Variants in DAAM1 observed in about 807,000 individuals in gnomAD.
DAAM1 encodes dishevelled associated activator of morphogenesis 1.
A neutral mutation model predicts 130.0 loss-of-function variants in DAAM1; 52 were observed. That is an observed-to-expected ratio of 0.40 (90% CI 0.32 to 0.50). The LOEUF is 0.50. DAAM1 is among the 20% of genes least tolerant of loss of function. The probability of loss-of-function intolerance (pLI) is 0.61; values close to 1 mark genes in which losing one functional copy is unlikely to be tolerated. For synonymous variants in DAAM1, 452 were observed against 444.5 expected, an observed-to-expected ratio of 1.02 and a Z score of -0.21; for missense variants, 1,134 against 1,303.8, an observed-to-expected ratio of 0.87 and a Z score of 2.01.
At chr14:59,231,773 T>C (rs558181779) in intron 1 of DAAM1, among the ~76,000 whole-genome samples, 1 of 152,308 alleles carries the variant, frequency 6.6e-6, no homozygotes, top group African/African-American at 2.4e-5. Flanking sequence ...TAACAAACTT[T>C]AGCTACTATA....
chr14:59,354,365 A>G (rs970368437), intron 19 of DAAM1, among the ~76,000 whole-genome samples: 2 of 152,064 alleles, frequency 1.3e-5, no homozygotes, highest in African/African-American at 4.8e-5. Flanking sequence ...TGGCCTGGTG[A>G]TTTTTTATTT....
chr14:59,266,699 A>G (rs966485328), intron 2 of DAAM1, among the ~76,000 whole-genome samples: 1 of 152,208 alleles, frequency 6.6e-6, no homozygotes, highest in South Asian at 2.1e-4. Flanking sequence ...TGGCCTGGCC[A>G]AGAGAGGTAG....
intron 2 of DAAM1, among the ~76,000 whole-genome samples, chr14:59,266,372 T>G (rs927904393): frequency 2.0e-5 from 3 of 152,218 alleles, no homozygotes; most frequent in African/African-American, 7.2e-5. Context: ...TACAGTTATA[T>G]TCTGTCAGTC....
At chr14:59,330,438 TAGAG>T (rs1460317538) in intron 12 of DAAM1, 59 bp from the exon 13 acceptor site, 1 of 1,437,706 alleles carries the variant, frequency 7.0e-7, no homozygotes, top group Non-Finnish European at 9.3e-7. Context: ...AATTTTCTTT[TAGAG>T]AAAATGCTTC....
intron 2 of DAAM1, among the ~76,000 whole-genome samples, chr14:59,273,366 A>G (rs1882813236): frequency 6.6e-6 from 1 of 152,212 alleles, no homozygotes; most frequent in African/African-American, 2.4e-5. Flanking sequence ...TCTTAATATT[A>G]GATCAAGGAG....
intron 1 of DAAM1, among the ~76,000 whole-genome samples, chr14:59,226,776 T>C (rs1888955456): frequency 6.6e-6 from 1 of 152,172 alleles, no homozygotes; most frequent in African/African-American, 2.4e-5. Context: ...CATCACTAGA[T>C]TGGGAAACAT....
In DAAM1 at chr14:59,369,194, G is replaced by C. The variant is rs1887045722; in HGVS notation, c.*335G>C. The C allele has an allele frequency of 1.1e-5, 2 of 176,186 alleles. No homozygotes were observed. The highest frequency in any genetic ancestry group is 3.6e-4 in the South Asian group (2 of 5,498). 10.9% of individuals were successfully genotyped at this position (176,186 alleles called of 1,614,324 possible). On this transcript the variant is annotated 3_prime_UTR_variant, in exon 25 of 25. Transcript: ENST00000360909. ...AGAAGCACAATACTATCTCCTGAAA[G>C]AGATAAGAGACATTCCCTAGATTCA...
intron 1 of DAAM1, among the ~76,000 whole-genome samples, chr14:59,261,474 C>G (rs1431449605): frequency 1.3e-5 from 2 of 152,118 alleles, no homozygotes; most frequent in African/African-American, 4.8e-5. Flanking sequence ...ACAAGTACAC[C>G]CTAGGCCAGG....
At chr14:59,192,013 TAGTG>T (rs745923593) in intron 1 of DAAM1, among the ~76,000 whole-genome samples, 6 of 152,218 alleles carry the variant, frequency 3.9e-5, no homozygotes, top group South Asian at 4.1e-4. Flanking sequence ...ATTAGTAAAT[TAGTG>T]AGGAGGTGTG....
chr14:59,315,331 C>T lies in DAAM1; in HGVS notation c.325C>T (p.Gln109Ter). Residue 109 changes from glutamine (Q) to a stop codon, truncating the protein, a stop_gained, in exon 4 of 25, where the codon CAG (glutamine) becomes TAG (stop). Transcript: ENST00000360909. LOFTEE classifies it high-confidence loss of function. ...ATSWPEFYID[Q>*]LNSMAARKSL... ...AAGTTGGCCTGAATTCTACATTGAT[C>T]AGCTCAATTCCATGGCTGCTGTAAG... is the stretch of plus-strand genomic sequence containing the variant. 6.2e-7 allele frequency: 1 copy of T among 1,613,958 alleles called. No individual in the cohort carries two copies. The highest frequency in any genetic ancestry group is 8.5e-7 in the Non-Finnish European group (1 of 1,179,934).
chr14:59,232,288 A>G (rs1035222039), intron 1 of DAAM1, among the ~76,000 whole-genome samples: 1 of 152,190 alleles, frequency 6.6e-6, no homozygotes, highest in African/African-American at 2.4e-5. Flanking sequence ...TATCGAAACT[A>G]CTGGTTCTTC....
At chr14:59,262,183 C>T (rs536442835) in intron 1 of DAAM1, among the ~76,000 whole-genome samples, 1 of 151,920 alleles carries the variant, frequency 6.6e-6, no homozygotes, top group South Asian at 2.1e-4. Context: ...TTTTTCTAAT[C>T]TTATTCCACT....
intron 1 of DAAM1, among the ~76,000 whole-genome samples, chr14:59,230,326 C>A (rs1889065991): frequency 6.7e-6 from 1 of 150,008 alleles, no homozygotes. Context: ...TTTCCCCCCA[C>A]AAGCTAGGAT....
intron 3 of DAAM1, chr14:59,299,705 A>G (rs190860848): frequency 2.0e-5 from 3 of 152,324 alleles, no homozygotes; most frequent in Admixed American, 2.0e-4. Flanking sequence ...GCTCAGCACC[A>G]GAAGCTGGTA....
intron 17 of DAAM1, among the ~76,000 whole-genome samples, chr14:59,349,026 C>G (rs1231181877): frequency 1.3e-5 from 2 of 152,162 alleles, no homozygotes; most frequent in Admixed American, 6.5e-5. Flanking sequence ...TCTCCTGAAC[C>G]CAAAATTTAT....
chr14:59,368,651 T>C lies in DAAM1; in HGVS notation c.2999T>C (p.Leu1000Pro). 1 of 1,611,548 alleles carries C rather than the reference T, an allele frequency of 6.2e-7. No homozygotes were observed. The highest frequency in any genetic ancestry group is 2.2e-5 in the East Asian group (1 of 44,712). Reference sequence around the variant, plus strand: ...GAGGTTATTTCTTTCTATTTGCAGCTCAAAGAACAACGTGAAAGGGAACGT... The same window carrying C: ...GAGGTTATTTCTTTCTATTTGCAGCCCAAAGAACAACGTGAAAGGGAACGT... ...EERRARMEAQLKEQRERERKM... is the reference protein window; with the variant it reads ...EERRARMEAQPKEQRERERKM... The change falls in exon 25 of 25, where the codon CTC becomes CCC. Residue 1000 changes from leucine (L) to proline (P), a missense_variant and splice_region_variant. This residue lies in a region of DAAM1 where 644 missense variants were observed against 695.9 expected (regional missense o/e 0.93). Coordinates refer to ENST00000360909, the MANE Select transcript of DAAM1 (RefSeq NM_001270520.2).
chr14:59,214,960 G>A (rs1385205398), intron 1 of DAAM1, among the ~76,000 whole-genome samples: 1 of 152,188 alleles, frequency 6.6e-6, no homozygotes, highest in Non-Finnish European at 1.5e-5. Flanking sequence ...ATTTCCACCA[G>A]CAATGAGTGA....
chr14:59,359,196 T>C, intron 20 of DAAM1: 1 of 476,354 alleles, frequency 2.1e-6, no homozygotes, highest in South Asian at 3.5e-5. Flanking sequence ...CCATGGAGGC[T>C]CTCCCATTAT....
At chr14:59,301,463 T>C (rs534209236) in intron 3 of DAAM1, among the ~76,000 whole-genome samples, 1 of 152,176 alleles carries the variant, frequency 6.6e-6, no homozygotes, top group African/African-American at 2.4e-5. Context: ...CTTCCTTTCA[T>C]CTAGACCTGT....
Sources: gnomAD v4.1 joint callset for allele counts (sites outside exome capture counted in the v4.1 genomes callset) on GRCh38, gnomAD v4.1.1 for gene constraint, gnomAD v4.1.1 regional missense constraint, MANE v1.5 for transcripts, NCBI Gene and HGNC (gene_info 2026-07-23, HGNC 2026-07-21) for gene names.